The following CFAP53 variants were observed in gnomAD, a reference collection of about 807,000 sequenced individuals.
CFAP53 encodes cilia- and flagella-associated protein 53.
In CFAP53, 62 loss-of-function variants were observed where a neutral mutation model predicts 59.7. That is an observed-to-expected ratio of 1.04 (90% CI 0.85 to 1.28). The LOEUF is 1.28. CFAP53 is among the 50% of genes most tolerant of loss of function. The pLI, the probability that CFAP53 is intolerant of heterozygous loss-of-function variation, is 0.00. For synonymous variants in CFAP53, 218 were observed against 205.7 expected (o/e 1.06, Z -0.51); for missense variants, 629 against 615.6 (o/e 1.02, Z -0.23).
At chr18:50,250,101 C>A (rs549000060) in intron 5 of CFAP53, among the ~76,000 whole-genome samples, 1 of 151,964 alleles carries the variant, frequency 6.6e-6, no homozygotes, top group South Asian at 2.1e-4. Context: ...TGTCTGTAGT[C>A]CCAGCTACTC....
chr18:50,248,437 A>G (rs1031788190), intron 5 of CFAP53, among the ~76,000 whole-genome samples: 3 of 152,346 alleles, frequency 2.0e-5, no homozygotes, highest in Middle Eastern at 3.4e-3. Context: ...AAAACTAAAC[A>G]TGCAATTACT....
chr18:50,236,315 G>T (rs935674831), intron 7 of CFAP53, among the ~76,000 whole-genome samples: 7 of 152,270 alleles, frequency 4.6e-5, no homozygotes, highest in African/African-American at 1.2e-4. Flanking sequence ...TAATCTGCCT[G>T]TACCTACAAC....
intron 7 of CFAP53, among the ~76,000 whole-genome samples, chr18:50,235,417 A>G (rs2033624080): frequency 6.6e-6 from 1 of 152,058 alleles, no homozygotes; most frequent in Non-Finnish European, 1.5e-5. Context: ...AATTACAAAA[A>G]TTAGCTGGGC....
Position 50,251,749 on chromosome 18 carries a change from G to A in CFAP53, c.509C>T (p.Ser170Phe). The part of the protein sequence containing the change: ...RCEELRVELL[S>F]IHQKKVCEER... ...CTCACACACCTTCTTCTGATGGATA[G>A]ATAACAATTCAACACGGAGCTCCTC... The change falls in exon 4 of 8, where the codon TCT (serine) becomes TTT (phenylalanine). Residue 170 changes from serine (S) to phenylalanine (F), a missense_variant. By Grantham distance (155) the Ser-to-Phe change is radical. Coordinates refer to ENST00000398545, the MANE Select transcript of CFAP53 (RefSeq NM_145020.5). The A allele has an allele frequency of 6.2e-7, 1 of 1,614,144 alleles. No individual in the cohort carries two copies. The highest frequency in any genetic ancestry group is 2.2e-5 in the East Asian group (1 of 44,884).
intron 6 of CFAP53, among the ~76,000 whole-genome samples, chr18:50,239,290 A>C (rs558539398): frequency 6.6e-6 from 1 of 151,968 alleles, no homozygotes; most frequent in East Asian, 1.9e-4. Context: ...CAGAAGGCTG[A>C]GGCACAAGTG....
intron 7 of CFAP53, among the ~76,000 whole-genome samples, chr18:50,229,740 C>CTTT (rs141422966): frequency 5.0e-4 from 68 of 135,930 alleles, no homozygotes; most frequent in South Asian, 1.4e-3. Flanking sequence ...TTTTCTTTTT[C>CTTT]TTTTTTTTTT....
At chr18:50,246,283 T>C (rs1034390142) in intron 5 of CFAP53, among the ~76,000 whole-genome samples, 2 of 152,200 alleles carry the variant, frequency 1.3e-5, no homozygotes, top group East Asian at 1.9e-4. Flanking sequence ...GAGATATAGA[T>C]TGATGGAATA....
chr18:50,248,312 T>C (rs1055261393), intron 5 of CFAP53, among the ~76,000 whole-genome samples: 6 of 152,198 alleles, frequency 3.9e-5, no homozygotes, highest in Middle Eastern at 3.4e-3. Flanking sequence ...AAGTGAACAA[T>C]AGTGATAGCA....
chr18:50,228,923 G>C (rs1381403007), intron 7 of CFAP53, among the ~76,000 whole-genome samples: 2 of 151,962 alleles, frequency 1.3e-5, no homozygotes, highest in African/African-American at 2.4e-5. Context: ...AACATAGGGA[G>C]ACCTGATCTG....
intron 5 of CFAP53, among the ~76,000 whole-genome samples, chr18:50,249,127 C>T (rs2033773403): frequency 6.7e-6 from 1 of 150,094 alleles, no homozygotes; most frequent in Admixed American, 6.7e-5. Context: ...CGCTTGAACC[C>T]ATGAGGCGGA....
chr18:50,245,403 A>C (rs1034672517), intron 5 of CFAP53, among the ~76,000 whole-genome samples: 120 of 151,936 alleles, frequency 7.9e-4, no homozygotes, highest in African/African-American at 2.6e-3. Flanking sequence ...AAAAAAAAAA[A>C]AAAAAACTAA....
intron 5 of CFAP53, among the ~76,000 whole-genome samples, chr18:50,247,101 AAT>A (rs2033752672): frequency 6.6e-6 from 1 of 152,146 alleles, no homozygotes; most frequent in African/African-American, 2.4e-5. Context: ...ACCCAACTAA[AAT>A]ATGGGCAAAG....
chr18:50,233,484 A>T (rs562578672), intron 7 of CFAP53, among the ~76,000 whole-genome samples: 1 of 152,164 alleles, frequency 6.6e-6, no homozygotes, highest in Non-Finnish European at 1.5e-5. Context: ...ACCCAGATGA[A>T]TTTTTTTGTA....
At chr18:50,259,807 A>C (rs944689420) in intron 3 of CFAP53, among the ~76,000 whole-genome samples, 2 of 152,142 alleles carry the variant, frequency 1.3e-5, no homozygotes, top group African/African-American at 4.8e-5. Flanking sequence ...GCCTCAAGTG[A>C]TCAAAGTGCT....
intron 7 of CFAP53, among the ~76,000 whole-genome samples, chr18:50,230,237 T>C (rs2033567645): frequency 6.6e-6 from 1 of 152,196 alleles, no homozygotes; most frequent in Non-Finnish European, 1.5e-5. Flanking sequence ...TTTATGCTAA[T>C]AAGCTGACTT....
At chr18:50,254,699 A>C (rs1275180095) in intron 3 of CFAP53, among the ~76,000 whole-genome samples, 1 of 152,150 alleles carries the variant, frequency 6.6e-6, no homozygotes. Flanking sequence ...GACCAGCCTG[A>C]CCAACATGGA....
intron 1 of CFAP53, among the ~76,000 whole-genome samples, chr18:50,265,959 C>G (rs1033459345): frequency 6.6e-6 from 1 of 152,226 alleles, no homozygotes; most frequent in African/African-American, 2.4e-5. Flanking sequence ...GCCCCCAGAT[C>G]TGTCTCTGGG....
At chr18:50,261,697 C>T (rs2033895376) in intron 2 of CFAP53, among the ~76,000 whole-genome samples, 1 of 152,092 alleles carries the variant, frequency 6.6e-6, no homozygotes, top group African/African-American at 2.4e-5. Flanking sequence ...CAACCAACTG[C>T]ACCATATTTT....
Position 50,238,709 on chromosome 18 carries a change from A to C in CFAP53, c.1214-4T>G, listed in dbSNP as rs202154283. 79 of 1,603,752 alleles carry C rather than the reference A, an allele frequency of 4.9e-5. No individual in the cohort carries two copies. The highest frequency in any genetic ancestry group is 3.3e-4 in the Middle Eastern group (2 of 6,076). On this transcript the variant is annotated splice_polypyrimidine_tract_variant and splice_region_variant and intron_variant, in intron 6 of 7. Coordinates refer to ENST00000398545, the MANE Select transcript of CFAP53 (RefSeq NM_145020.5). ...TGTTCTTTAGCTTCTCGTTGCACTA[A>C]GAAAAGCAAAAGTAATTATATGTCA...
Sources: gnomAD v4.1 joint callset for allele counts (sites outside exome capture counted in the v4.1 genomes callset) on GRCh38, gnomAD v4.1.1 for gene constraint, MANE v1.5 for transcripts, NCBI Gene and HGNC (gene_info 2026-07-23, HGNC 2026-07-21) for gene names.